The following PDE6C variants were observed in gnomAD, a reference collection of about 807,000 sequenced individuals.
The protein encoded by PDE6C is phosphodiesterase 6C, also known as cone cGMP-specific 3',5'-cyclic phosphodiesterase subunit alpha'.
Under a neutral mutation model 113.1 loss-of-function variants are expected in PDE6C, and 75 were observed. That is an observed-to-expected ratio of 0.66 (90% CI 0.55 to 0.80). The LOEUF (loss-of-function observed/expected upper bound fraction) is 0.80, where lower values mean the gene tolerates loss of function less well. PDE6C is among the 30% of genes least tolerant of loss of function. The pLI, the probability that PDE6C is intolerant of heterozygous loss-of-function variation, is 0.00. For missense variants in PDE6C, 912 were observed against 1,038.6 expected, an observed-to-expected ratio of 0.88 and a Z score of 1.67; for synonymous variants, 375 against 363.7, an observed-to-expected ratio of 1.03 and a Z score of -0.35.
chr10:93,641,034 G>A lies in PDE6C; in HGVS notation c.1847+5G>A. The A allele has an allele frequency of 6.7e-7, 1 of 1,493,106 alleles. No homozygotes were observed. The highest frequency in any genetic ancestry group is 1.1e-5 in the South Asian group (1 of 88,652). 92.5% of individuals were successfully genotyped at this position (1,493,106 alleles called of 1,614,324 possible). A position where few individuals can be genotyped will look rare whatever the true frequency, so the allele number is the denominator to read the frequency against. ...CAATAATTTGTACCAGATGAAGTAA[G>A]TGAACACATGTCCAATGTTGACACG... On this transcript the variant is annotated splice_donor_5th_base_variant and intron_variant, in intron 14 of 21. Coordinates refer to ENST00000371447, the MANE Select transcript of PDE6C (RefSeq NM_006204.4).
chr10:93,641,171 C>A, intron 14 of PDE6C, 142 bp downstream of exon 14: 1 of 635,026 alleles, frequency 1.6e-6, no homozygotes, highest in South Asian at 1.9e-5. Flanking sequence ...ATTCTATTCC[C>A]TCCCAAGCTT....
chr10:93,643,735 G>C (rs577961174), intron 14 of PDE6C, among the ~76,000 whole-genome samples: 3 of 150,316 alleles, frequency 2.0e-5, no homozygotes, highest in African/African-American at 7.4e-5. Context: ...TTGTGAGTCA[G>C]CTGCAATACT....
chr10:93,635,623 G>C lies in PDE6C; in HGVS notation c.1396G>C (p.Glu466Gln). 2 of 1,613,966 alleles carry C rather than the reference G, an allele frequency of 1.2e-6. No individual in the cohort carries two copies. The highest frequency in any genetic ancestry group is 1.7e-6 in the Non-Finnish European group (2 of 1,179,856). Residue 466 changes from glutamate (E) to glutamine (Q), a missense_variant, in exon 10 of 22, where the codon GAA (glutamate) becomes CAA (glutamine). Transcript: ENST00000371447. ...GAACCAAACCAAAGCCACTCCTGAA[G>C]AAATTAAGTCCATTTTGGTAAGTGG... ...LMNQTKATPE[E>Q]IKSILKFQEK...
chr10:93,657,339 T>C, intron 16 of PDE6C, among the ~76,000 whole-genome samples: 1 of 136,560 alleles, frequency 7.3e-6, no homozygotes, highest in South Asian at 2.4e-4. Flanking sequence ...TTTTTTTTTT[T>C]TTTTTTTTTT....
chr10:93,645,768 G>GTT (rs3085187), intron 14 of PDE6C, among the ~76,000 whole-genome samples, 192 bp from the exon 15 acceptor site: 34,386 of 149,574 alleles, frequency 0.23, 3,984 homozygotes, highest in Admixed American at 0.28. Flanking sequence ...ACAAATTAAG[G>GTT]TTTTTTTTTT....
intron 21 of PDE6C, among the ~76,000 whole-genome samples, chr10:93,663,736 T>C (rs559884658): frequency 2.6e-5 from 4 of 152,320 alleles, no homozygotes; most frequent in South Asian, 4.1e-4. Context: ...ATTTTTTTTC[T>C]GGCATGAAAT....
At chr10:93,631,673 C>A (rs1339769864) in intron 8 of PDE6C, among the ~76,000 whole-genome samples, 2 of 152,244 alleles carry the variant, frequency 1.3e-5, no homozygotes, top group Admixed American at 1.3e-4. Context: ...CTCCCCAAAC[C>A]ACCACCCTCC....
intron 18 of PDE6C, 45 bp from the exon 19 acceptor site, chr10:93,662,014 C>A: frequency 8.6e-7 from 1 of 1,161,986 alleles, no homozygotes; most frequent in Non-Finnish European, 1.3e-6. Flanking sequence ...TGCAAGTTCT[C>A]TATTCATAAG....
rs766491341 is a variant in PDE6C at position 93,645,946 on chromosome 10, T to C, written c.1848-14T>C. ...TTAAACAGCTAGAATCATGGCATGT[T>C]GTTTTCCTTCTAGATCCACGTCTCC... On this transcript the variant is annotated splice_polypyrimidine_tract_variant and intron_variant, in intron 14 of 21. Transcript: ENST00000371447. The C allele has an allele frequency of 8.5e-6, 13 of 1,527,264 alleles. No individual in the cohort carries two copies. The South Asian group carries it at 1.3e-4, about 16-fold the overall frequency. 94.6% of individuals were successfully genotyped at this position (1,527,264 alleles called of 1,614,324 possible).
intron 14 of PDE6C, among the ~76,000 whole-genome samples, chr10:93,642,077 G>A (rs2058562641): frequency 6.6e-6 from 1 of 152,108 alleles, no homozygotes; most frequent in South Asian, 2.1e-4. Context: ...TAAATATTAG[G>A]TATGATTGCT....
intron 15 of PDE6C, among the ~76,000 whole-genome samples, chr10:93,646,840 G>A (rs2058586832): frequency 6.6e-6 from 1 of 152,170 alleles, no homozygotes; most frequent in Admixed American, 6.5e-5. Context: ...TGGGGTTTGG[G>A]TGGAGACACA....
chr10:93,620,839 A>T (rs369857625), intron 2 of PDE6C, 52 bp from the exon 3 acceptor site: 9 of 1,612,688 alleles, frequency 5.6e-6, no homozygotes, highest in Non-Finnish European at 6.8e-6. Context: ...TTTGTTGTAT[A>T]ACCAAAGAAA....
intron 16 of PDE6C, among the ~76,000 whole-genome samples, chr10:93,656,073 C>T (rs1480697637): frequency 6.6e-6 from 1 of 152,132 alleles, no homozygotes; most frequent in African/African-American, 2.4e-5. Flanking sequence ...TTTACTAGAC[C>T]TCTGGGAACA....
chr10:93,636,939 C>A, intron 10 of PDE6C, 56 bp from the exon 11 acceptor site: 1 of 905,406 alleles, frequency 1.1e-6, no homozygotes, highest in South Asian at 1.3e-5. Context: ...GTAGAGGAAT[C>A]AGATGGAAAT....
At chr10:93,619,567 C>T (rs901993708) in intron 1 of PDE6C, among the ~76,000 whole-genome samples, 1 of 152,156 alleles carries the variant, frequency 6.6e-6, no homozygotes, top group Non-Finnish European at 1.5e-5. Flanking sequence ...GCGGAGATTA[C>T]AGGGGCGTGC....
At position 93,665,896 on chromosome 10, in the gene PDE6C, C is replaced by T. The variant is rs1401576245; in HGVS notation, c.*478C>T. The T allele has an allele frequency of 8.7e-6, 2 of 228,604 alleles. No homozygotes were observed. Among genetic ancestry groups the T allele is most frequent in the African/African-American group, 4.7e-5 (2 of 42,190 alleles). 14.2% of individuals were successfully genotyped at this position (228,604 alleles called of 1,614,324 possible). ...TCCCTGTGTCTTCACATGGTCTTCC[C>T]TCTGTGTGTCTGTGTCCTAATCTCC... On this transcript the variant is annotated 3_prime_UTR_variant, in exon 22 of 22. Transcript: ENST00000371447.
chr10:93,652,835 C>T (rs1435703738), intron 15 of PDE6C, among the ~76,000 whole-genome samples: 4 of 152,172 alleles, frequency 2.6e-5, no homozygotes, highest in Non-Finnish European at 5.9e-5. Flanking sequence ...ATTATATACT[C>T]TGCACAATCT....
intron 14 of PDE6C, among the ~76,000 whole-genome samples, chr10:93,644,802 T>A (rs1363351004): frequency 1.4e-5 from 2 of 146,998 alleles, no homozygotes; most frequent in African/African-American, 4.9e-5. Flanking sequence ...ATATAGTATA[T>A]ATATAGTATG....
chr10:93,615,900 T>G (rs1428508284), intron 1 of PDE6C, among the ~76,000 whole-genome samples: 1 of 152,034 alleles, frequency 6.6e-6, no homozygotes, highest in East Asian at 1.9e-4. Context: ...ATCCCCCGGG[T>G]CCATGGTGTG....
Sources: gnomAD v4.1 joint callset for allele counts (sites outside exome capture counted in the v4.1 genomes callset) on GRCh38, gnomAD v4.1.1 for gene constraint, MANE v1.5 for transcripts, NCBI Gene and HGNC (gene_info 2026-07-23, HGNC 2026-07-21) for gene names.